CCDC146: variants seen among roughly 807,000 people sequenced by gnomAD.
CCDC146 encodes the protein coiled-coil domain containing 146.
Under a neutral mutation model 119.3 loss-of-function variants are expected in CCDC146, and 92 were observed. The ratio of observed to expected loss-of-function variants is 0.77; its 90% CI spans 0.65 to 0.92. CCDC146 has a LOEUF of 0.92. Among genes scored for constraint, CCDC146 ranks in the 40% least tolerant of loss-of-function variants. CCDC146 has a pLI of 0.00. For missense variants in CCDC146, 1,000 were observed against 1,103.0 expected (o/e 0.91, Z 1.32); for synonymous variants, 372 against 371.8 (o/e 1.00, Z -0.01).
intron 1 of CCDC146, among the ~76,000 whole-genome samples, chr7:77,160,971 G>A (rs1010426171): frequency 1.3e-5 from 2 of 152,134 alleles, no homozygotes; most frequent in African/African-American, 4.8e-5. Context: ...CAAAAAGTGG[G>A]CGAAGGACAT....
chr7:77,130,223 C>T (rs574566382), intron 1 of CCDC146, among the ~76,000 whole-genome samples: 14 of 152,208 alleles, frequency 9.2e-5, no homozygotes, highest in Non-Finnish European at 8.8e-5. Context: ...GTTATAGCCA[C>T]AGTGCCTGTA....
At chr7:77,216,559 C>T (rs1380410091) in intron 2 of CCDC146, among the ~76,000 whole-genome samples, 3 of 152,130 alleles carry the variant, frequency 2.0e-5, no homozygotes, top group Non-Finnish European at 4.4e-5. Context: ...AATTGTCAGT[C>T]TTCCATCTCA....
At chr7:77,212,791 G>A (rs1403132617) in intron 2 of CCDC146, among the ~76,000 whole-genome samples, 8 of 152,004 alleles carry the variant, frequency 5.3e-5, no homozygotes, top group African/African-American at 1.9e-4. Flanking sequence ...ATGGCAAGAG[G>A]TAAGGTAATG....
At chr7:77,148,848 A>G (rs981090637) in intron 1 of CCDC146, among the ~76,000 whole-genome samples, 1 of 151,894 alleles carries the variant, frequency 6.6e-6, no homozygotes. Context: ...ACAAATGGAA[A>G]AACATTCCAT....
chr7:77,261,723 C>T (rs920357517), intron 8 of CCDC146, among the ~76,000 whole-genome samples: 4 of 151,892 alleles, frequency 2.6e-5, no homozygotes, highest in South Asian at 2.1e-4. Context: ...ATGATCCACC[C>T]ACCTCGGCCT....
rs376896289 is a variant in CCDC146, at chr7:77,214,680, T to G, written c.157-22267T>G. Among the ~76,000 whole-genome samples the G allele has an allele frequency of 2.0e-4, 30 of 152,330 alleles. No homozygotes were observed. The East Asian group carries it at 5.4e-3, about 27-fold the overall frequency. On this transcript the variant is annotated intron_variant, in intron 2 of 18. Transcript: ENST00000285871. ...GCCACTTTTTCCAGTACCATTTTTT[T>G]GAGTAGGACGTCCTTTCCCAATTGT...
chr7:77,159,782 A>T (rs1483162050), intron 1 of CCDC146, among the ~76,000 whole-genome samples: 1 of 152,210 alleles, frequency 6.6e-6, no homozygotes, highest in African/African-American at 2.4e-5. Flanking sequence ...TCACATTCTT[A>T]TCAACAATTA....
At chr7:77,232,347 C>A (rs1292359585) in intron 2 of CCDC146, among the ~76,000 whole-genome samples, 1 of 152,116 alleles carries the variant, frequency 6.6e-6, no homozygotes, top group Admixed American at 6.5e-5. Context: ...TGGTCACAGC[C>A]GTGGGCTTTT....
chr7:77,192,057 G>A (rs988326080), intron 2 of CCDC146, among the ~76,000 whole-genome samples: 1 of 151,938 alleles, frequency 6.6e-6, no homozygotes, highest in Non-Finnish European at 1.5e-5. Flanking sequence ...TTCCTGAGTA[G>A]CTGGGACTAC....
At chr7:77,268,192 G>A (rs1370092482) in intron 9 of CCDC146, among the ~76,000 whole-genome samples, 1 of 152,174 alleles carries the variant, frequency 6.6e-6, no homozygotes, top group Non-Finnish European at 1.5e-5. Flanking sequence ...GACCAAAACT[G>A]TGATTGTTAA....
chr7:77,287,404 T>A, intron 16 of CCDC146, 36 bp from the exon 17 acceptor site: 9 of 1,610,402 alleles, frequency 5.6e-6, no homozygotes, highest in Non-Finnish European at 7.6e-6. Context: ...TAGATGACTT[T>A]TTTTTTATTC....
intron 11 of CCDC146, among the ~76,000 whole-genome samples, chr7:77,276,205 C>CAA (rs71524927): frequency 0.79 from 99,837 of 126,198 alleles, 40,167 homozygotes; most frequent in East Asian, 0.95. Context: ...GACTTCCTCT[C>CAA]AAAAATAAAA....
At chr7:77,200,884 T>A (rs1255862645) in intron 2 of CCDC146, among the ~76,000 whole-genome samples, 1 of 152,158 alleles carries the variant, frequency 6.6e-6, no homozygotes, top group African/African-American at 2.4e-5. Flanking sequence ...TTAAAAAGGG[T>A]TTTTTTGCTT....
intron 1 of CCDC146, among the ~76,000 whole-genome samples, chr7:77,163,935 C>T (rs1194566903): frequency 6.9e-6 from 1 of 145,694 alleles, no homozygotes; most frequent in Non-Finnish European, 1.5e-5. Context: ...TCTCGGCTCA[C>T]TGCAACCTCC....
intron 4 of CCDC146, among the ~76,000 whole-genome samples, chr7:77,251,932 T>TGAGGTCAG (rs755993044): frequency 3.4e-4 from 52 of 152,320 alleles, no homozygotes; most frequent in Admixed American, 9.2e-4. Context: ...GCAGATCACC[T>TGAGGTCAG]GAGGTCAGGA....
intron 1 of CCDC146, among the ~76,000 whole-genome samples, chr7:77,166,731 T>A (rs536747672): frequency 1.3e-5 from 2 of 152,280 alleles, no homozygotes; most frequent in Admixed American, 1.3e-4. Flanking sequence ...GAAAACTTTT[T>A]ATATATTGGT....
intron 2 of CCDC146, among the ~76,000 whole-genome samples, chr7:77,219,918 C>A (rs1315976231): frequency 6.6e-6 from 1 of 152,064 alleles, no homozygotes; most frequent in African/African-American, 2.4e-5. Flanking sequence ...ATCACAAGGG[C>A]AGAGAGGCAG....
At chr7:77,204,854 C>A (rs535228706) in intron 2 of CCDC146, among the ~76,000 whole-genome samples, 2 of 152,292 alleles carry the variant, frequency 1.3e-5, no homozygotes, top group East Asian at 3.9e-4. Flanking sequence ...TGCGGTAGCT[C>A]ACACCTGTAA....
chr7:77,195,951 C>G (rs1584060567), intron 2 of CCDC146: 1 of 223,038 alleles, frequency 4.5e-6, no homozygotes, highest in Admixed American at 5.3e-5. Flanking sequence ...GCTACCACAC[C>G]CAGCCAACAA....
Sources: allele counts gnomAD v4.1 joint callset (sites outside exome capture counted in the v4.1 genomes callset), GRCh38; gene constraint gnomAD v4.1.1; transcripts MANE v1.5; gene names NCBI Gene and HGNC (gene_info 2026-07-23, HGNC 2026-07-21).